The following HSBP1 variants were observed in gnomAD, a reference collection of about 807,000 sequenced individuals.
HSBP1 encodes the protein heat shock factor-binding protein 1.
Under a neutral mutation model 9.6 loss-of-function variants are expected in HSBP1, and 5 were observed. That is an observed-to-expected ratio of 0.52 (90% CI 0.27 to 1.09). HSBP1 has a LOEUF of 1.09. Ranked by LOEUF, HSBP1 falls within the 50% of genes least tolerant of loss-of-function variation. The pLI, the probability that HSBP1 is intolerant of heterozygous loss-of-function variation, is 0.11. For missense variants in HSBP1, 121 were observed against 96.3 expected (o/e 1.26, Z -1.07); for synonymous variants, 42 against 33.3 (o/e 1.26, Z -0.90).
rs893593817 is a variant in HSBP1, at chr16:83,816,602, G to C, written c.*5184G>C. On this transcript the variant is annotated 3_prime_UTR_variant, in exon 4 of 4. Coordinates refer to ENST00000433866, the MANE Select transcript of HSBP1 (RefSeq NM_001537.4). ...AAACAGGACCCGCATGATAGGTTGA[G>C]CCATGTGGTTCTTGTTTTTTTGTTG... The C allele has an allele frequency of 3.3e-5, 5 of 152,130 alleles. No individual in the cohort carries two copies. Among genetic ancestry groups the C allele is most frequent in the African/African-American group, 1.2e-4 (5 of 41,418 alleles). 9.4% of individuals were successfully genotyped at this position (152,130 alleles called of 1,614,324 possible).
intron 3 of HSBP1, 122 bp downstream of exon 3, chr16:83,809,547 C>T: frequency 3.5e-6 from 2 of 566,704 alleles, no homozygotes; most frequent in South Asian, 2.1e-5. Context: ...CGGCTCCCTG[C>T]AACCTTTGCC....
rs949310285 is a variant in HSBP1 at position 83,815,540 on chromosome 16, C to G, written c.*4122C>G. On this transcript the variant is annotated 3_prime_UTR_variant, in exon 4 of 4. Transcript: ENST00000433866. ...AAAAAAAAAAAAGGGCGGATCCTAACGCTTGGTCCTCACACCTGAGGCTCT... is the reference window on the plus strand; with the variant it reads ...AAAAAAAAAAAAGGGCGGATCCTAAGGCTTGGTCCTCACACCTGAGGCTCT... 1 of 149,646 alleles carries G rather than the reference C, an allele frequency of 6.7e-6. No individual in the cohort carries two copies. 9.3% of individuals were successfully genotyped at this position (149,646 alleles called of 1,614,324 possible).
intron 2 of HSBP1, 94 bp from the exon 3 acceptor site, chr16:83,809,211 C>A: frequency 2.6e-6 from 2 of 770,308 alleles, no homozygotes; most frequent in Non-Finnish European, 4.4e-6. Context: ...AGACCAGTTT[C>A]CCTAAAGTCG....
At position 83,808,679 on chromosome 16, in the gene HSBP1, G is replaced by A; in HGVS notation, c.46-1G>A. On this transcript the variant is annotated splice_acceptor_variant, in intron 1 of 3. Coordinates refer to ENST00000433866, the MANE Select transcript of HSBP1 (RefSeq NM_001537.4). LOFTEE classifies it high-confidence loss of function. ...TGTTTGTTTGTTTCGGTTTTTCTTA[G>A]GTGCAGACACTCCTGCAGCAGATGC... is the stretch of plus-strand genomic sequence containing the variant. 1 of 1,610,382 alleles carries A rather than the reference G, an allele frequency of 6.2e-7. No individual in the cohort carries two copies. Among genetic ancestry groups the A allele is most frequent in the Non-Finnish European group, 8.5e-7 (1 of 1,177,248 alleles).
intron 2 of HSBP1, 124 bp from the exon 3 acceptor site, chr16:83,809,181 A>T: frequency 3.0e-6 from 2 of 657,020 alleles, no homozygotes; most frequent in Non-Finnish European, 5.4e-6. Flanking sequence ...AGCGTGTAAC[A>T]GTGTCGAAAG....
chr16:83,808,571 C>T, intron 1 of HSBP1, 109 bp from the exon 2 acceptor site: 1 of 789,640 alleles, frequency 1.3e-6, no homozygotes, highest in Non-Finnish European at 2.1e-6. Context: ...CACAGCTGTC[C>T]AGAGGCAGAA....
In HSBP1 at chr16:83,816,428, A is replaced by T. The variant is rs1904723279; in HGVS notation, c.*5010A>T. ...AAATAAAAAACAAAAAAATAAATAA[A>T]AAATAAAAAGACCCAACCCCAGATT... On this transcript the variant is annotated 3_prime_UTR_variant, in exon 4 of 4. Coordinates refer to ENST00000433866, the MANE Select transcript of HSBP1 (RefSeq NM_001537.4). The T allele has an allele frequency of 6.6e-6, 1 of 152,154 alleles. No homozygotes were observed. The highest frequency in any genetic ancestry group is 1.5e-5 in the Non-Finnish European group (1 of 68,046). 9.4% of individuals were successfully genotyped at this position (152,154 alleles called of 1,614,324 possible). A position where few individuals can be genotyped will look rare whatever the true frequency, so the allele number is the denominator to read the frequency against.
chr16:83,809,241 C>G, intron 2 of HSBP1, 64 bp from the exon 3 acceptor site: 1 of 1,034,660 alleles, frequency 9.7e-7, no homozygotes, highest in Admixed American at 2.1e-5. Context: ...AGGCTGTAGT[C>G]TGCAGGGACG....
At chr16:83,809,462 C>CTTTTTTTT (rs34576085) in intron 3 of HSBP1, 37 bp downstream of exon 3, 43 of 408,334 alleles carry the variant, frequency 1.1e-4, no homozygotes, top group East Asian at 1.9e-4. Context: ...CTTTTCTTTT[C>CTTTTTTTT]TTTTTTTTTT....
At chr16:83,808,942 G>T (rs1904530743) in intron 2 of HSBP1, among the ~76,000 whole-genome samples, 196 bp downstream of exon 2, 1 of 152,192 alleles carries the variant, frequency 6.6e-6, no homozygotes, top group South Asian at 2.1e-4. Context: ...CTGGCTCAAG[G>T]AGCATACGTC....
chr16:83,818,801 G>A lies in HSBP1; in HGVS notation c.*7383G>A, dbSNP rs1904776702. 1 of 152,088 alleles carries A rather than the reference G, an allele frequency of 6.6e-6. No homozygotes were observed. The highest frequency in any genetic ancestry group is 6.5e-5 in the Admixed American group (1 of 15,268). The allele number at this position is 152,088 out of a possible 1,614,324, so 9.4% of individuals were successfully genotyped here. ...CTACTGGGACTTGTTTTCCATAATT[G>A]GTCTGAGAACAACAGATTTTTTTCT... On this transcript the variant is annotated 3_prime_UTR_variant, in exon 4 of 4. Transcript: ENST00000433866.
chr16:83,809,391 GA>G lies in HSBP1; in HGVS notation c.203del (p.Asn68ThrfsTer13). ...TQAGVEELES[E>X]NKIPATQKS is the part of the protein sequence containing the mutation. ...GGCTGGGGTGGAAGAACTGGAAAGT[GA>G]AAACAAGATACCTGCCACGCAAAAG... On this transcript the variant is annotated frameshift_variant, in exon 3 of 4. Coordinates refer to ENST00000433866, the MANE Select transcript of HSBP1 (RefSeq NM_001537.4). LOFTEE classifies it high-confidence loss of function. 6.3e-7 allele frequency: 1 copy of G among 1,593,978 alleles called. No individual in the cohort carries two copies. The highest frequency in any genetic ancestry group is 2.3e-5 in the East Asian group (1 of 43,990).
rs760468043 is a variant in HSBP1 at position 83,808,043 on chromosome 16, C to G, written c.-34C>G. 70 of 1,531,228 alleles carry G rather than the reference C, an allele frequency of 4.6e-5. 1 individual carries two copies. In the East Asian group the frequency reaches 1.1e-3, roughly 24 times the overall value. 94.9% of individuals were successfully genotyped at this position (1,531,228 alleles called of 1,614,324 possible). On this transcript the variant is annotated 5_prime_UTR_variant, in exon 1 of 4. Coordinates refer to ENST00000433866, the MANE Select transcript of HSBP1 (RefSeq NM_001537.4). The stretch of plus-strand genomic sequence containing the variant: ...GACAAACGGAAGTGTAGGTTACGGT[C>G]TGAGACATCACCGCCAAGCTGGGCA...
intron 1 of HSBP1, chr16:83,808,347 C>T (rs1384216396): frequency 1.8e-6 from 1 of 552,320 alleles, no homozygotes; most frequent in Non-Finnish European, 3.2e-6. Flanking sequence ...CCAGTAGCCC[C>T]ATTCATCTGT....
rs1376228960 is a variant in HSBP1, at chr16:83,814,283, G to A, written c.*2865G>A. The A allele has an allele frequency of 6.6e-6, 1 of 152,212 alleles. No homozygotes were observed. Among genetic ancestry groups the A allele is most frequent in the African/African-American group, 2.4e-5 (1 of 41,454 alleles). 9.4% of individuals were successfully genotyped at this position (152,212 alleles called of 1,614,324 possible). A position where few individuals can be genotyped will look rare whatever the true frequency, so the allele number is the denominator to read the frequency against. ...ACCGCTGTACTGTGCTAAGCCTTTTGTTTGCACTGTTTGGCTTAATCCTCA... is the reference window on the plus strand; with the variant it reads ...ACCGCTGTACTGTGCTAAGCCTTTTATTTGCACTGTTTGGCTTAATCCTCA... On this transcript the variant is annotated 3_prime_UTR_variant, in exon 4 of 4. Coordinates refer to ENST00000433866, the MANE Select transcript of HSBP1 (RefSeq NM_001537.4).
In HSBP1 at chr16:83,814,106, T is replaced by C. The variant is rs1444765641; in HGVS notation, c.*2688T>C. The C allele has an allele frequency of 6.6e-6, 1 of 152,198 alleles. No individual in the cohort carries two copies. Among genetic ancestry groups the C allele is most frequent in the Non-Finnish European group, 1.5e-5 (1 of 68,034 alleles). 9.4% of individuals were successfully genotyped at this position (152,198 alleles called of 1,614,324 possible). On this transcript the variant is annotated 3_prime_UTR_variant, in exon 4 of 4. Transcript: ENST00000433866. ...AAGCCTTCCCAAGCAGACACTGTGT[T>C]CCTCTTTTATTTTGTATTTTGCACA...
At position 83,815,207 on chromosome 16, in the gene HSBP1, G is replaced by GTGA. The variant is rs1275889028; in HGVS notation, c.*3791_*3793dup. On this transcript the variant is annotated 3_prime_UTR_variant, in exon 4 of 4. Transcript: ENST00000433866. ...GCCCAAAAACAAAACCAGAGGAATT[G>GTGA]TGATTGAACATTGCACTTATCAACC... The GTGA allele has an allele frequency of 6.6e-6, 1 of 152,108 alleles. No homozygotes were observed. The highest frequency in any genetic ancestry group is 1.5e-5 in the Non-Finnish European group (1 of 68,020). The allele number at this position is 152,108 out of a possible 1,614,324, so 9.4% of individuals were successfully genotyped here.
At chr16:83,808,193 A>G in intron 1 of HSBP1, 72 bp downstream of exon 1, 1 of 1,310,490 alleles carries the variant, frequency 7.6e-7, no homozygotes. Context: ...TGCTGGACAG[A>G]GGCGCGCCCA....
rs1904690075 is a variant in HSBP1, at chr16:83,815,125, C to T, written c.*3707C>T. ...AATTTTAAGTGTCTGATTTTAGCTG[C>T]AGCCACTTGAGAACTTTTCAATGAA... On this transcript the variant is annotated 3_prime_UTR_variant, in exon 4 of 4. Coordinates refer to ENST00000433866, the MANE Select transcript of HSBP1 (RefSeq NM_001537.4). The T allele has an allele frequency of 6.6e-6, 1 of 152,096 alleles. No individual in the cohort carries two copies. Among genetic ancestry groups the T allele is most frequent in the South Asian group, 2.1e-4 (1 of 4,830 alleles). The allele number at this position is 152,096 out of a possible 1,614,324, so 9.4% of individuals were successfully genotyped here. A position where few individuals can be genotyped will look rare whatever the true frequency, so the allele number is the denominator to read the frequency against.
Sources: gnomAD v4.1 joint callset for allele counts (sites outside exome capture counted in the v4.1 genomes callset) on GRCh38, gnomAD v4.1.1 for gene constraint, MANE v1.5 for transcripts, NCBI Gene and HGNC (gene_info 2026-07-23, HGNC 2026-07-21) for gene names.